The following GIGYF2 variants were observed in gnomAD, a reference collection of about 807,000 sequenced individuals.
GIGYF2 encodes GRB10-interacting GYF protein 2.
A neutral mutation model predicts 208.1 loss-of-function variants in GIGYF2; 25 were observed. The observed-to-expected ratio is 0.12, with a 90% CI of 0.09 to 0.17. GIGYF2 has a LOEUF of 0.17. GIGYF2 is among the 10% of genes least tolerant of loss of function. The probability of loss-of-function intolerance (pLI) is 1.00; values close to 1 mark genes in which losing one functional copy is unlikely to be tolerated. For synonymous variants in GIGYF2, 534 were observed against 543.8 expected (o/e 0.98, Z 0.25); for missense variants, 1,302 against 1,579.4 (o/e 0.82, Z 2.98).
At chr2:232,777,281 T>C (rs1574871376) in intron 8 of GIGYF2, among the ~76,000 whole-genome samples, 5 of 152,340 alleles carry the variant, frequency 3.3e-5, no homozygotes, top group South Asian at 2.1e-4. Flanking sequence ...TGTGATGAAG[T>C]ATAGTGTTAA....
chr2:232,750,444 A>G (rs561446919), intron 5 of GIGYF2, among the ~76,000 whole-genome samples: 1 of 152,284 alleles, frequency 6.6e-6, no homozygotes, highest in Non-Finnish European at 1.5e-5. Flanking sequence ...GCAATTTCTT[A>G]TGTATTTTTC....
intron 8 of GIGYF2, among the ~76,000 whole-genome samples, chr2:232,780,041 A>G (rs1338284507): frequency 2.0e-5 from 3 of 152,200 alleles, no homozygotes; most frequent in East Asian, 3.9e-4. Context: ...AGTCTGTCCC[A>G]TAATTCCACT....
chr2:232,706,373 G>A (rs535064640), intron 2 of GIGYF2, among the ~76,000 whole-genome samples: 4 of 152,224 alleles, frequency 2.6e-5, no homozygotes, highest in African/African-American at 4.8e-5. Flanking sequence ...TGAGCACAGC[G>A]TGGCTTACAT....
chr2:232,791,319 C>A lies in GIGYF2; in HGVS notation c.1155C>A (p.Asp385Glu), dbSNP rs761318805. 1.9e-6 allele frequency: 3 copies of A among 1,613,940 alleles called. No individual in the cohort carries two copies. In the South Asian group the frequency reaches 3.3e-5, roughly 18 times the overall value. The stretch of plus-strand genomic sequence containing the variant: ...CTGCTAGACCAGGTACTCCTTCAGA[C>A]CATCAGTCTCAGGAAGCATCACAGT... Reference protein sequence around the residue: ...SSSARPGTPSDHQSQEASQFE... With the variant: ...SSSARPGTPSEHQSQEASQFE... The change falls in exon 12 of 29, where the codon GAC becomes GAA. Residue 385 changes from aspartate to glutamate, a missense_variant. Transcript: ENST00000373563.
chr2:232,740,028 G>A (rs1304012593), intron 3 of GIGYF2, among the ~76,000 whole-genome samples: 1 of 152,062 alleles, frequency 6.6e-6, no homozygotes, highest in Non-Finnish European at 1.5e-5. Flanking sequence ...TGAGGCAGGA[G>A]AATTACTTGA....
At chr2:232,712,773 G>A (rs965174063) in intron 2 of GIGYF2, among the ~76,000 whole-genome samples, 2 of 152,122 alleles carry the variant, frequency 1.3e-5, no homozygotes, top group South Asian at 2.1e-4. Flanking sequence ...AGTGGAACAC[G>A]TTTCAATGTT....
At chr2:232,842,462 C>T (rs963815327) in intron 23 of GIGYF2, among the ~76,000 whole-genome samples, 2 of 152,150 alleles carry the variant, frequency 1.3e-5, no homozygotes, top group African/African-American at 4.8e-5. Context: ...CACCATCTTA[C>T]CTCTCTAAGG....
chr2:232,704,906 C>T (rs139791832), intron 2 of GIGYF2, among the ~76,000 whole-genome samples: 2,523 of 143,764 alleles, frequency 0.018, 84 homozygotes, highest in African/African-American at 0.062. Flanking sequence ...TTCGCCCAGG[C>T]TGGAGTGCAG....
chr2:232,709,615 C>T (rs1284984585), intron 2 of GIGYF2, among the ~76,000 whole-genome samples: 1 of 152,048 alleles, frequency 6.6e-6, no homozygotes, highest in Non-Finnish European at 1.5e-5. Flanking sequence ...TCAAGACCAG[C>T]CTGGCCAACA....
intron 18 of GIGYF2, among the ~76,000 whole-genome samples, chr2:232,814,576 CCA>C (rs1491142542): frequency 4.4e-5 from 6 of 135,902 alleles, no homozygotes; most frequent in African/African-American, 1.6e-4. Context: ...CCCCCCCCCC[CCA>C]AAAAAAAAGT....
At chr2:232,808,634 C>T (rs1574909054) in intron 15 of GIGYF2, among the ~76,000 whole-genome samples, 1 of 152,100 alleles carries the variant, frequency 6.6e-6, no homozygotes, top group Admixed American at 6.5e-5. Flanking sequence ...AATTGTGTAT[C>T]AAGTATCTTA....
At chr2:232,772,470 A>G (rs188435608) in intron 8 of GIGYF2, among the ~76,000 whole-genome samples, 1 of 152,362 alleles carries the variant, frequency 6.6e-6, no homozygotes, top group Admixed American at 6.5e-5. Context: ...ATAATCATTA[A>G]GGGGTTAAAT....
chr2:232,823,538 A>C (rs1372783725), intron 21 of GIGYF2, among the ~76,000 whole-genome samples: 2 of 151,356 alleles, frequency 1.3e-5, no homozygotes, highest in African/African-American at 4.9e-5. Flanking sequence ...TTTTTTGTAG[A>C]GATATGGGGT....
Position 232,773,937 on chromosome 2 carries a change from G to A in GIGYF2, c.532+12501G>A, listed in dbSNP as rs543833716. Reference sequence around the variant, plus strand: ...AAAAAAAAAAAAAAAAAAAAAAGGTGTCTTAAGTTTCACAGTAATAAGTAT... The same window carrying A: ...AAAAAAAAAAAAAAAAAAAAAAGGTATCTTAAGTTTCACAGTAATAAGTAT... On this transcript the variant is annotated intron_variant, in intron 8 of 28. Coordinates refer to ENST00000373563, the MANE Select transcript of GIGYF2 (RefSeq NM_001103146.3). Among the ~76,000 whole-genome samples, 3 of 143,154 alleles carry A rather than the reference G, an allele frequency of 2.1e-5. No homozygotes were observed. In the East Asian group the frequency reaches 6.3e-4, roughly 30 times the overall value. 93.9% of individuals were successfully genotyped at this position (143,154 alleles called of 152,430 possible). A position where few individuals can be genotyped will look rare whatever the true frequency, so the allele number is the denominator to read the frequency against.
At chr2:232,790,525 C>T (rs1388267825) in intron 9 of GIGYF2, among the ~76,000 whole-genome samples, 173 bp from the exon 10 acceptor site, 1 of 152,196 alleles carries the variant, frequency 6.6e-6, no homozygotes, top group Non-Finnish European at 1.5e-5. Flanking sequence ...CGTAATGGTA[C>T]ATATACTCTG....
intron 8 of GIGYF2, among the ~76,000 whole-genome samples, chr2:232,786,107 G>A (rs1699900000): frequency 6.6e-6 from 1 of 152,186 alleles, no homozygotes; most frequent in Non-Finnish European, 1.5e-5. Context: ...TGGTATACCA[G>A]GCTCTCTTTT....
chr2:232,842,126 C>T (rs1701834874), intron 23 of GIGYF2, among the ~76,000 whole-genome samples: 1 of 152,120 alleles, frequency 6.6e-6, no homozygotes, highest in African/African-American at 2.4e-5. Flanking sequence ...AGGCATGGGC[C>T]ACCACGCCCT....
Position 232,771,693 on chromosome 2 carries a change from C to A in GIGYF2, c.532+10257C>A, listed in dbSNP as rs553370125. ...ATTATATACCCCTGTGTCTTCCTTG[C>A]ACAAGTCCGGGTGTCAAGCATTTAT... On this transcript the variant is annotated intron_variant, in intron 8 of 28. Transcript: ENST00000373563. Among the ~76,000 whole-genome samples the A allele has an allele frequency of 3.9e-4, 59 of 152,276 alleles. 1 individual carries two copies. The highest frequency in any genetic ancestry group is 6.9e-4 in the Non-Finnish European group (47 of 68,030).
At position 232,844,199 on chromosome 2, in the gene GIGYF2, A is replaced by AAGCAGC. The variant is rs751210729; in HGVS notation, c.3060_3065dup (p.Gln1021_Gln1022dup). ...GCAGGAAGAGGCCAGGCAAATGCAA[A>AAGCAGC]AGCAGCAGCAGCAGCAGCAGCAACA... On this transcript the variant is annotated inframe_insertion, in exon 24 of 29. Coordinates refer to ENST00000373563, the MANE Select transcript of GIGYF2 (RefSeq NM_001103146.3). 85 of 1,561,440 alleles carry AAGCAGC rather than the reference A, an allele frequency of 5.4e-5. No individual in the cohort carries two copies. The highest frequency in any genetic ancestry group is 6.4e-5 in the Non-Finnish European group (74 of 1,151,624).
Sources: gnomAD v4.1 joint callset for allele counts (sites outside exome capture counted in the v4.1 genomes callset) on GRCh38, gnomAD v4.1.1 for gene constraint, MANE v1.5 for transcripts, NCBI Gene and HGNC (gene_info 2026-07-23, HGNC 2026-07-21) for gene names.